The following ANKRD44 variants were observed in gnomAD, a reference collection of about 807,000 sequenced individuals.
ANKRD44 encodes the protein ankyrin repeat domain 44.
ANKRD44 carries 35 observed loss-of-function variants against 116.0 expected under a neutral mutation model. The observed-to-expected ratio is 0.30, with a 90% CI of 0.23 to 0.40. ANKRD44 has a LOEUF of 0.40. Ranked by LOEUF, ANKRD44 falls within the 10% of genes least tolerant of loss-of-function variation. The pLI is 1.00. For synonymous variants in ANKRD44, 435 were observed against 461.8 expected (o/e 0.94, Z 0.74); for missense variants, 1,014 against 1,242.6 (o/e 0.82, Z 2.77).
At position 197,212,923 on chromosome 2, in the gene ANKRD44, G is replaced by A. The variant is rs1043747208; in HGVS notation, c.28-25817C>T. ...TTTCACAGTGTGAACATCTCACAGAGCTGACTGGGATTCTAGTGTTTAAAG... is the reference window on the plus strand; with the variant it reads ...TTTCACAGTGTGAACATCTCACAGAACTGACTGGGATTCTAGTGTTTAAAG... On this transcript the variant is annotated intron_variant, in intron 1 of 27. Coordinates refer to ENST00000282272, the MANE Select transcript of ANKRD44 (RefSeq NM_001195144.2). The surrounding 1 kb of genome is among the most constrained non-coding windows in gnomAD (Gnocchi z 4.8). Among the ~76,000 whole-genome samples, 15 of 152,206 alleles carry A rather than the reference G, an allele frequency of 9.9e-5. No individual in the cohort carries two copies. The highest frequency in any genetic ancestry group is 3.1e-4 in the African/African-American group (13 of 41,444).
At chr2:196,999,177 G>C in intron 23 of ANKRD44, 125 bp from the exon 24 acceptor site, 1 of 1,135,460 alleles carries the variant, frequency 8.8e-7, no homozygotes, top group South Asian at 1.6e-5. Context: ...TAGACATAGT[G>C]ATCAGGTCCC....
chr2:197,008,205 C>G (rs1448504945), intron 19 of ANKRD44, among the ~76,000 whole-genome samples: 2 of 152,172 alleles, frequency 1.3e-5, no homozygotes, highest in Non-Finnish European at 2.9e-5. Context: ...ATTTTCAGAT[C>G]CATGTAGCAT....
At chr2:197,055,504 T>C (rs1302585978) in intron 16 of ANKRD44, among the ~76,000 whole-genome samples, 1 of 152,188 alleles carries the variant, frequency 6.6e-6, no homozygotes, top group South Asian at 2.1e-4. Flanking sequence ...TGCATCTTAT[T>C]AAAAAATCTT....
intron 16 of ANKRD44, among the ~76,000 whole-genome samples, chr2:197,062,858 G>GGCCT (rs1030728011): frequency 1.3e-5 from 2 of 152,234 alleles, no homozygotes; most frequent in Non-Finnish European, 2.9e-5. Flanking sequence ...AGCTCAAGGA[G>GGCCT]GCCTGCCTGC....
intron 6 of ANKRD44, among the ~76,000 whole-genome samples, chr2:197,125,012 C>T (rs781385285): frequency 3.9e-5 from 6 of 152,140 alleles, no homozygotes; most frequent in Non-Finnish European, 7.3e-5. Context: ...TTTAAAAAGA[C>T]GAATGGAATT....
At chr2:197,015,644 G>A in intron 17 of ANKRD44, 1 of 559,616 alleles carries the variant, frequency 1.8e-6, no homozygotes. Context: ...GGTGAAGGTG[G>A]TGGCAGCAGA....
intron 17 of ANKRD44, among the ~76,000 whole-genome samples, chr2:197,023,282 A>C (rs1331496199): frequency 6.6e-6 from 1 of 152,204 alleles, no homozygotes; most frequent in Non-Finnish European, 1.5e-5. Flanking sequence ...ATTTGGGTTA[A>C]TATCACACAA....
Position 197,013,715 on chromosome 2 carries a change from G to A in ANKRD44, c.1723-3C>T. On this transcript the variant is annotated splice_polypyrimidine_tract_variant and splice_region_variant and intron_variant, in intron 17 of 27. Transcript: ENST00000282272. ...GCTTGATGGTGCCCATTGTAGGCCTGCAAAGAAGAAACCAATGGCTCCCAT... is the reference window on the plus strand; with the variant it reads ...GCTTGATGGTGCCCATTGTAGGCCTACAAAGAAGAAACCAATGGCTCCCAT... The A allele has an allele frequency of 6.2e-7, 1 of 1,612,430 alleles. No individual in the cohort carries two copies. The highest frequency in any genetic ancestry group is 8.5e-7 in the Non-Finnish European group (1 of 1,179,992).
chr2:197,161,677 T>C (rs2079969148), intron 2 of ANKRD44, among the ~76,000 whole-genome samples: 1 of 152,250 alleles, frequency 6.6e-6, no homozygotes, highest in Non-Finnish European at 1.5e-5. Context: ...TATGTGTTCA[T>C]GGAAGTGAAT....
intron 1 of ANKRD44, among the ~76,000 whole-genome samples, chr2:197,205,291 A>G (rs1251058606): frequency 6.6e-6 from 1 of 152,178 alleles, no homozygotes; most frequent in Non-Finnish European, 1.5e-5. Flanking sequence ...TAACACTGGA[A>G]TTCTAGTATT....
chr2:197,093,373 C>T (rs575865478), intron 10 of ANKRD44, among the ~76,000 whole-genome samples: 9 of 152,222 alleles, frequency 5.9e-5, no homozygotes, highest in African/African-American at 1.9e-4. Flanking sequence ...ACTTAAAACC[C>T]ATCTTTGTAT....
chr2:197,013,742 C>T (rs1236664761), intron 17 of ANKRD44, 30 bp from the exon 18 acceptor site: 2 of 1,610,150 alleles, frequency 1.2e-6, no homozygotes, highest in South Asian at 2.2e-5. Flanking sequence ...GGCTCCCATG[C>T]TTGCTCGCTC....
chr2:197,291,837 C>A, intron 1 of ANKRD44, among the ~76,000 whole-genome samples: 1 of 152,256 alleles, frequency 6.6e-6, no homozygotes, highest in South Asian at 2.1e-4. Flanking sequence ...CACCACCCCA[C>A]GACAGGCCCC....
At chr2:197,221,929 G>A (rs34089002) in intron 1 of ANKRD44, among the ~76,000 whole-genome samples, 2 of 152,234 alleles carry the variant, frequency 1.3e-5, no homozygotes, top group East Asian at 3.9e-4. Context: ...TCTTGGGTCA[G>A]GCTACTTTAA....
chr2:197,123,426 T>C (rs1020680446), intron 6 of ANKRD44, among the ~76,000 whole-genome samples: 2 of 152,190 alleles, frequency 1.3e-5, no homozygotes, highest in Non-Finnish European at 2.9e-5. Flanking sequence ...ATTCACTATA[T>C]ATAGAATAAG....
chr2:197,089,452 T>C (rs1483899954), intron 11 of ANKRD44, among the ~76,000 whole-genome samples: 1 of 152,178 alleles, frequency 6.6e-6, no homozygotes, highest in East Asian at 1.9e-4. Flanking sequence ...TGGCTCCAAA[T>C]AGTCTCATAT....
chr2:197,256,566 A>C (rs1321269264), intron 1 of ANKRD44, among the ~76,000 whole-genome samples: 1 of 152,238 alleles, frequency 6.6e-6, no homozygotes, highest in Non-Finnish European at 1.5e-5. Context: ...AGGAAAAAAA[A>C]TATGTCATGA....
At chr2:197,190,454 T>C (rs528144807) in intron 1 of ANKRD44, among the ~76,000 whole-genome samples, 2 of 152,330 alleles carry the variant, frequency 1.3e-5, no homozygotes, top group Non-Finnish European at 2.9e-5. Flanking sequence ...ATGGATATAA[T>C]TACTGAATGG....
intron 16 of ANKRD44, among the ~76,000 whole-genome samples, chr2:197,073,712 A>C: frequency 6.6e-6 from 1 of 152,166 alleles, no homozygotes; most frequent in South Asian, 2.1e-4. Context: ...GGGGTGGTAG[A>C]ATTCACAGCA....
Sources: gnomAD v4.1 joint callset for allele counts (sites outside exome capture counted in the v4.1 genomes callset) on GRCh38, gnomAD v4.1.1 for gene constraint, Gnocchi (gnomAD v3.1) non-coding constraint, MANE v1.5 for transcripts, NCBI Gene and HGNC (gene_info 2026-07-23, HGNC 2026-07-21) for gene names.